The following NF1 variants were observed in gnomAD, a reference collection of about 807,000 sequenced individuals.
The protein encoded by NF1 is neurofibromin.
A neutral mutation model predicts 325.7 loss-of-function variants in NF1; 122 were observed. That is an observed-to-expected ratio of 0.37 (90% confidence interval 0.32 to 0.44). The LOEUF (loss-of-function observed/expected upper bound fraction) is 0.44, where lower values mean the gene tolerates loss of function less well. NF1 is among the 20% of genes least tolerant of loss of function. The probability of loss-of-function intolerance (pLI) is 1.00; values close to 1 mark genes in which losing one functional copy is unlikely to be tolerated. For synonymous variants in NF1, 1,091 were observed against 1,186.0 expected, an observed-to-expected ratio of 0.92 and a Z score of 1.65; for missense variants, 2,140 against 3,415.4, an observed-to-expected ratio of 0.63 and a Z score of 9.31.
At chr17:31,165,909 C>T (rs1031467045) in intron 4 of NF1, among the ~76,000 whole-genome samples, 1 of 152,124 alleles carries the variant, frequency 6.6e-6, no homozygotes, top group Non-Finnish European at 1.5e-5. Flanking sequence ...CCAGGCTTGT[C>T]TTGAACCCCT....
intron 1 of NF1, among the ~76,000 whole-genome samples, chr17:31,120,761 C>T (rs1914356408): frequency 6.6e-6 from 1 of 150,452 alleles, no homozygotes; most frequent in Non-Finnish European, 1.5e-5. Flanking sequence ...ACATTCTGCA[C>T]ATGTATCCCA....
At chr17:31,177,785 C>A (rs1445590981) in intron 5 of NF1, among the ~76,000 whole-genome samples, 1 of 151,572 alleles carries the variant, frequency 6.6e-6, no homozygotes, top group Non-Finnish European at 1.5e-5. Context: ...TGAAGATCAA[C>A]TCAATGAAAT....
chr17:31,322,487 G>T, intron 36 of NF1, among the ~76,000 whole-genome samples: 1 of 87,634 alleles, frequency 1.1e-5, no homozygotes, highest in African/African-American at 4.4e-5. Flanking sequence ...GGAAGACAGA[G>T]TAAGACTCTG....
At chr17:31,319,028 T>A in intron 36 of NF1, 1 of 1,578,844 alleles carries the variant, frequency 6.3e-7, no homozygotes, top group Non-Finnish European at 8.6e-7. Context: ...GGCAATCTGT[T>A]GGGATAGCAA....
chr17:31,157,842 T>C (rs919514150), intron 2 of NF1, among the ~76,000 whole-genome samples: 14 of 149,524 alleles, frequency 9.4e-5, no homozygotes, highest in African/African-American at 3.2e-4. Context: ...GGCATGTGCC[T>C]GTAGTCCCAG....
Position 31,337,808 on chromosome 17 carries a change from C to G in NF1, c.6643-11C>G, listed in dbSNP as rs2151557329. 1 of 1,613,056 alleles carries G rather than the reference C, an allele frequency of 6.2e-7. No individual in the cohort carries two copies. The highest frequency in any genetic ancestry group is 8.5e-7 in the Non-Finnish European group (1 of 1,179,256). ...ATGTACAATATGTATTCAGAGTATCCCCTTTTTTAGGCATGCATGAGAGAT... is the reference window on the plus strand; with the variant it reads ...ATGTACAATATGTATTCAGAGTATCGCCTTTTTTAGGCATGCATGAGAGAT... On this transcript the variant is annotated splice_polypyrimidine_tract_variant and intron_variant, in intron 43 of 57. Transcript: ENST00000358273.
chr17:31,360,243 A>G lies in NF1; in HGVS notation c.8161-244A>G, dbSNP rs535061686. ...ATTGTATTGTCTCAGTATTACATTC[A>G]GTCTGTCTTGTGCATGGCTTTCAGA... is the stretch of plus-strand genomic sequence containing the variant. On this transcript the variant is annotated intron_variant, in intron 56 of 57. Coordinates refer to ENST00000358273, the MANE Select transcript of NF1 (RefSeq NM_001042492.3). 232 of 520,864 alleles carry G rather than the reference A, an allele frequency of 4.5e-4. 2 individuals carry two copies. In the East Asian group the frequency reaches 7.5e-3, roughly 17 times the overall value. 32.3% of individuals were successfully genotyped at this position (520,864 alleles called of 1,614,324 possible).
At chr17:31,291,026 A>G (rs2068334444) in intron 36 of NF1, among the ~76,000 whole-genome samples, 1 of 152,008 alleles carries the variant, frequency 6.6e-6, no homozygotes, top group Non-Finnish European at 1.5e-5. Flanking sequence ...ATAAATAAAT[A>G]AATAAATAAA....
At chr17:31,158,724 A>G (rs577792851) in intron 2 of NF1, among the ~76,000 whole-genome samples, 63 of 152,162 alleles carry the variant, frequency 4.1e-4, no homozygotes, top group Non-Finnish European at 8.2e-4. Flanking sequence ...ACAGGTCTAT[A>G]TGTGTGTCTA....
chr17:31,338,435 G>A (rs1247408580), intron 45 of NF1, among the ~76,000 whole-genome samples: 2 of 152,018 alleles, frequency 1.3e-5, no homozygotes, highest in African/African-American at 2.4e-5. Context: ...AGTTTTCAAA[G>A]CATTTAATTA....
intron 36 of NF1, among the ~76,000 whole-genome samples, chr17:31,303,376 A>T (rs1305689798): frequency 6.6e-6 from 1 of 152,172 alleles, no homozygotes; most frequent in Non-Finnish European, 1.5e-5. Context: ...CAGATAATGG[A>T]TAAAGATGAA....
chr17:31,158,162 G>T (rs2065700152), intron 2 of NF1, among the ~76,000 whole-genome samples: 1 of 152,156 alleles, frequency 6.6e-6, no homozygotes, highest in Non-Finnish European at 1.5e-5. Flanking sequence ...CCACATATGA[G>T]TGAGAGCATG....
At chr17:31,288,673 A>G (rs912622642) in intron 36 of NF1, among the ~76,000 whole-genome samples, 4 of 151,934 alleles carry the variant, frequency 2.6e-5, no homozygotes, top group African/African-American at 9.7e-5. Flanking sequence ...AGTAGCTAGG[A>G]TAATAGGTGC....
intron 31 of NF1, among the ~76,000 whole-genome samples, chr17:31,255,581 G>A (rs1184638898): frequency 1.3e-5 from 2 of 152,036 alleles, no homozygotes; most frequent in African/African-American, 2.4e-5. Flanking sequence ...CTGAGGTGTC[G>A]ATATTTTGGG....
At chr17:31,128,907 C>T (rs554109218) in intron 1 of NF1, among the ~76,000 whole-genome samples, 5 of 144,730 alleles carry the variant, frequency 3.5e-5, no homozygotes, top group African/African-American at 1.2e-4. Context: ...GCCTGGGTGA[C>T]AAGAGTGAGA....
intron 57 of NF1, among the ~76,000 whole-genome samples, chr17:31,368,872 G>C (rs1325820973): frequency 6.6e-6 from 1 of 152,256 alleles, no homozygotes; most frequent in East Asian, 1.9e-4. Flanking sequence ...CTTCTGACAT[G>C]TTTAAGTTCT....
intron 36 of NF1, chr17:31,304,600 T>G: frequency 1.9e-6 from 3 of 1,614,162 alleles, no homozygotes; most frequent in Non-Finnish European, 2.5e-6. Context: ...TGGAGGCAGA[T>G]CTGCATCATC....
chr17:31,229,606 C>G, intron 21 of NF1, 141 bp downstream of exon 21: 1 of 1,086,884 alleles, frequency 9.2e-7, no homozygotes. Context: ...AGAGTCATCT[C>G]AATGTAGGGG....
At chr17:31,345,008 A>T (rs1267286846) in intron 48 of NF1, among the ~76,000 whole-genome samples, 1 of 152,192 alleles carries the variant, frequency 6.6e-6, no homozygotes, top group African/African-American at 2.4e-5. Context: ...CTGTAGTTTC[A>T]GCCACTCAGG....
Sources: allele counts gnomAD v4.1 joint callset (sites outside exome capture counted in the v4.1 genomes callset), GRCh38; gene constraint gnomAD v4.1.1; transcripts MANE v1.5; gene names NCBI Gene and HGNC (gene_info 2026-07-23, HGNC 2026-07-21).